Variants in CSMD3 observed in about 807,000 individuals in gnomAD.
The protein encoded by CSMD3 is CUB and sushi domain-containing protein 3.
A neutral mutation model predicts 435.2 loss-of-function variants in CSMD3; 177 were observed. The ratio of observed to expected loss-of-function variants is 0.41; its 90% CI spans 0.36 to 0.46. The LOEUF is 0.46. CSMD3 is among the 20% of genes least tolerant of loss of function. The probability of loss-of-function intolerance (pLI) is 0.34; values close to 1 mark genes in which losing one functional copy is unlikely to be tolerated. For missense variants in CSMD3, 4,265 were observed against 4,504.6 expected (o/e 0.95, Z 1.52); for synonymous variants, 1,656 against 1,520.5 (o/e 1.09, Z -2.07).
intron 16 of CSMD3, among the ~76,000 whole-genome samples, chr8:112,667,267 C>A (rs1490521253): frequency 6.6e-6 from 1 of 152,096 alleles, no homozygotes; most frequent in Non-Finnish European, 1.5e-5. Context: ...AGTACTGACC[C>A]TCTTCCATTA....
intron 28 of CSMD3, among the ~76,000 whole-genome samples, chr8:112,507,170 G>GA (rs1162119865): frequency 1.3e-5 from 2 of 151,974 alleles, no homozygotes; most frequent in African/African-American, 2.4e-5. Context: ...CTGGTTACCA[G>GA]AAAAAATCAG....
intron 6 of CSMD3, among the ~76,000 whole-genome samples, chr8:112,997,330 G>C (rs1203135565): frequency 6.6e-6 from 1 of 151,414 alleles, no homozygotes; most frequent in African/African-American, 2.4e-5. Context: ...ATGTATTCTT[G>C]AGCATCTGTC....
At chr8:113,146,328 A>G (rs1374189190) in intron 4 of CSMD3, among the ~76,000 whole-genome samples, 1 of 151,462 alleles carries the variant, frequency 6.6e-6, no homozygotes, top group East Asian at 2.0e-4. Context: ...GTCTACATGT[A>G]ATGTGAATTG....
chr8:112,826,668 G>A (rs2079689264), intron 12 of CSMD3, among the ~76,000 whole-genome samples: 1 of 152,118 alleles, frequency 6.6e-6, no homozygotes, highest in Non-Finnish European at 1.5e-5. Flanking sequence ...CAGTTCTGAT[G>A]ACAGAATCTG....
At chr8:112,254,807 A>G (rs938549853) in intron 62 of CSMD3, among the ~76,000 whole-genome samples, 6 of 152,180 alleles carry the variant, frequency 3.9e-5, no homozygotes, top group African/African-American at 1.2e-4. Flanking sequence ...GTGTCGGTTT[A>G]TTTGAATGAC....
At chr8:112,399,397 A>C (rs567471767) in intron 35 of CSMD3, among the ~76,000 whole-genome samples, 4 of 151,894 alleles carry the variant, frequency 2.6e-5, no homozygotes, top group African/African-American at 9.7e-5. Flanking sequence ...AGTAGTTAAG[A>C]CTATAGGTGT....
chr8:112,304,028 T>C (rs774259700), intron 52 of CSMD3, among the ~76,000 whole-genome samples: 20 of 152,268 alleles, frequency 1.3e-4, no homozygotes, highest in Non-Finnish European at 2.4e-4. Context: ...ATATCCTATG[T>C]TCTGTTAGCT....
chr8:113,314,704 T>C lies in CSMD3; in HGVS notation c.268A>G (p.Asn90Asp), dbSNP rs2093896128. ...TCTGCTATTATTACCCATGTGCAGT[T>C]TGCACCATTTGGATATCCATATGGA... ...GFPYGYPNGA[N>D]CTWVIIAEER... The change falls in exon 2 of 71, where the codon AAC becomes GAC. Residue 90 changes from asparagine (N) to aspartate (D), a missense_variant. Physicochemically the swap from Asn to Asp is conservative, Grantham distance 23. Transcript: ENST00000297405. 16 of 1,612,882 alleles carry C rather than the reference T, an allele frequency of 9.9e-6. No homozygotes were observed. Among genetic ancestry groups the C allele is most frequent in the Non-Finnish European group, 1.4e-5 (16 of 1,179,110 alleles).
rs2129730523 is a variant in CSMD3, at chr8:112,223,159, A to C, written c.*1612T>G. 1 of 397,854 alleles carries C rather than the reference A, an allele frequency of 2.5e-6. No individual in the cohort carries two copies. Among genetic ancestry groups the C allele is most frequent in the South Asian group, 1.3e-4 (1 of 7,842 alleles). 24.6% of individuals were successfully genotyped at this position (397,854 alleles called of 1,614,324 possible). A position where few individuals can be genotyped will look rare whatever the true frequency, so the allele number is the denominator to read the frequency against. On this transcript the variant is annotated 3_prime_UTR_variant, in exon 71 of 71. Transcript: ENST00000297405. The stretch of plus-strand genomic sequence containing the variant: ...TATTGCAGTCATTTGAATAAACAAG[A>C]ATAAATAACTGATGGCATAAAATTT...
intron 22 of CSMD3, among the ~76,000 whole-genome samples, chr8:112,604,697 C>A (rs1832655248): frequency 6.6e-6 from 1 of 152,014 alleles, no homozygotes; most frequent in Non-Finnish European, 1.5e-5. Context: ...TGAAAGAAAA[C>A]CTAAGACATG....
intron 2 of CSMD3, among the ~76,000 whole-genome samples, chr8:113,298,918 T>C (rs929107299): frequency 3.3e-5 from 5 of 152,208 alleles, no homozygotes; most frequent in Admixed American, 2.6e-4. Context: ...GGATTGTTCA[T>C]ATTTGTTGAA....
intron 6 of CSMD3, among the ~76,000 whole-genome samples, chr8:112,991,720 A>C (rs992060630): frequency 2.0e-5 from 3 of 151,896 alleles, no homozygotes; most frequent in East Asian, 3.9e-4. Context: ...GAGACACAAA[A>C]ATATTATTAT....
At chr8:112,539,932 CAAAGT>C (rs1055081443) in intron 27 of CSMD3, among the ~76,000 whole-genome samples, 3 of 151,776 alleles carry the variant, frequency 2.0e-5, no homozygotes, top group Admixed American at 1.3e-4. Context: ...TTCTGTAAAG[CAAAGT>C]AAACAATCAA....
At chr8:112,328,917 G>C (rs1462147543) in intron 45 of CSMD3, among the ~76,000 whole-genome samples, 1 of 152,078 alleles carries the variant, frequency 6.6e-6, no homozygotes, top group Non-Finnish European at 1.5e-5. Flanking sequence ...ACCAAGTCTT[G>C]GGCAGTTCTT....
intron 13 of CSMD3, among the ~76,000 whole-genome samples, chr8:112,701,459 C>T (rs558821633): frequency 6.6e-6 from 1 of 152,066 alleles, no homozygotes; most frequent in East Asian, 1.9e-4. Flanking sequence ...CTACTCATGC[C>T]CACACTCTTT....
At position 112,954,787 on chromosome 8, in the gene CSMD3, T is replaced by C. The variant is rs564802624; in HGVS notation, c.1343-26A>G. The stretch of plus-strand genomic sequence containing the variant: ...CTAGTTAAGAAAACAAACAAAAACA[T>C]GTATCAGGAAATACAATTTTAAAAT... On this transcript the variant is annotated intron_variant, in intron 7 of 70. Transcript: ENST00000297405. 8 of 1,252,794 alleles carry C rather than the reference T, an allele frequency of 6.4e-6. No individual in the cohort carries two copies. The East Asian group carries it at 1.4e-4, about 22-fold the overall frequency. The allele number at this position is 1,252,794 out of a possible 1,614,324, so 77.6% of individuals were successfully genotyped here.
At chr8:113,272,349 C>CACA (rs2093534941) in intron 3 of CSMD3, among the ~76,000 whole-genome samples, 1 of 152,094 alleles carries the variant, frequency 6.6e-6, no homozygotes, top group Non-Finnish European at 1.5e-5. Context: ...CCATAATTCC[C>CACA]ATGTATTGTG....
chr8:113,048,249 C>G (rs999866664), intron 5 of CSMD3, among the ~76,000 whole-genome samples: 1 of 151,986 alleles, frequency 6.6e-6, no homozygotes, highest in African/African-American at 2.4e-5. Flanking sequence ...CCCACTAACA[C>G]GCCCAGCTAA....
At chr8:112,587,885 T>C (rs1246864868) in intron 22 of CSMD3, among the ~76,000 whole-genome samples, 1 of 151,898 alleles carries the variant, frequency 6.6e-6, no homozygotes, top group African/African-American at 2.4e-5. Context: ...TTATAATAGA[T>C]AAAATGGTAC....
Sources: allele counts gnomAD v4.1 joint callset (sites outside exome capture counted in the v4.1 genomes callset), GRCh38; gene constraint gnomAD v4.1.1; transcripts MANE v1.5; gene names NCBI Gene and HGNC (gene_info 2026-07-23, HGNC 2026-07-21).